The following COMMD1 variants were observed in gnomAD, a reference collection of about 807,000 sequenced individuals.
The protein encoded by COMMD1 is copper metabolism domain containing 1, also known as COMM domain-containing protein 1.
In COMMD1, 10 loss-of-function variants were observed where a neutral mutation model predicts 17.2. The ratio of observed to expected loss-of-function variants is 0.58; its 90% CI spans 0.36 to 0.99. COMMD1 has a LOEUF of 0.99. COMMD1 is among the 50% of genes least tolerant of loss of function. COMMD1 has a pLI of 0.01. For missense variants in COMMD1, 270 were observed against 231.8 expected (o/e 1.17, Z -1.07); for synonymous variants, 97 against 91.6 (o/e 1.06, Z -0.34).
intron 2 of COMMD1, among the ~76,000 whole-genome samples, chr2:62,032,024 C>T (rs1201819140): frequency 1.3e-5 from 2 of 152,152 alleles, no homozygotes; most frequent in East Asian, 1.9e-4. Flanking sequence ...GTATGTATAA[C>T]ACAATCTAAC....
At chr2:61,933,765 T>TTTCTTTC (rs1670530688) in intron 1 of COMMD1, among the ~76,000 whole-genome samples, 1 of 133,374 alleles carries the variant, frequency 7.5e-6, no homozygotes, top group Non-Finnish European at 1.5e-5. Flanking sequence ...TTTGTTTTTC[T>TTTCTTTC]TTTTTTCTTT....
At chr2:61,998,780 G>A (rs1668840644) in intron 1 of COMMD1, among the ~76,000 whole-genome samples, 1 of 152,150 alleles carries the variant, frequency 6.6e-6, no homozygotes, top group African/African-American at 2.4e-5. Flanking sequence ...CCATCGTAGG[G>A]TTATTAGTTG....
rs369738535 is a variant in COMMD1 at position 62,059,851 on chromosome 2, G to T, written c.462+58869G>T. 4.6e-5 allele frequency among the ~76,000 whole-genome samples: 7 copies of T among 152,256 alleles called. No individual in the cohort carries two copies. In the East Asian group the frequency reaches 1.2e-3, roughly 25 times the overall value. ...AAAGTGCTTACTCCATTTGTGTTTA[G>T]TATGTTGACATGGTTGGATTTAGAT... On this transcript the variant is annotated intron_variant, in intron 2 of 2. Transcript: ENST00000311832.
At chr2:62,013,843 A>G (rs1669358271) in intron 2 of COMMD1, among the ~76,000 whole-genome samples, 1 of 152,212 alleles carries the variant, frequency 6.6e-6, no homozygotes, top group Non-Finnish European at 1.5e-5. Context: ...GTTTTCTGGT[A>G]GCTATAATTA....
chr2:61,982,065 ATTGCT>A (rs1671968673), intron 1 of COMMD1, among the ~76,000 whole-genome samples: 1 of 152,178 alleles, frequency 6.6e-6, no homozygotes, highest in African/African-American at 2.4e-5. Context: ...GAATCTGTAG[ATTGCT>A]TTGCATAGTA....
chr2:61,994,395 A>T (rs955403862), intron 1 of COMMD1, among the ~76,000 whole-genome samples: 1 of 152,242 alleles, frequency 6.6e-6, no homozygotes, highest in Admixed American at 6.5e-5. Flanking sequence ...TCTTTAATGT[A>T]CCAGAAAGTT....
Position 62,044,594 on chromosome 2 carries a change from A to G in COMMD1, c.462+43612A>G, listed in dbSNP as rs143694442. Among the ~76,000 whole-genome samples the G allele has an allele frequency of 2.1e-3, 326 of 152,272 alleles. 2 individuals are homozygous for G. The highest frequency in any genetic ancestry group is 6.6e-3 in the African/African-American group (273 of 41,556). ...AGCTTCCTGCTTTTATAAGTAGCTT[A>G]TTTGTCTTCCTGGCATCTTTGCAGA... On this transcript the variant is annotated intron_variant, in intron 2 of 2. Coordinates refer to ENST00000311832, the MANE Select transcript of COMMD1 (RefSeq NM_152516.4).
rs547641905 is a variant in COMMD1 at position 61,933,508 on chromosome 2, A to G, written c.180+27650A>G. Among the ~76,000 whole-genome samples the G allele has an allele frequency of 1.2e-4, 18 of 152,106 alleles. 1 individual carries two copies. The South Asian group carries it at 3.7e-3, about 32-fold the overall frequency. ...GGGGTTTAGCCGGAGCCCAGCCCTT[A>G]TGTATCAATGTAGGGGTGAGCCATG... On this transcript the variant is annotated intron_variant, in intron 1 of 2. Transcript: ENST00000311832.
intron 2 of COMMD1, among the ~76,000 whole-genome samples, chr2:62,025,260 C>T (rs758158073): frequency 4.0e-5 from 6 of 150,088 alleles, no homozygotes; most frequent in Admixed American, 6.7e-5. Flanking sequence ...AGGCTGGGTA[C>T]GGTGGTTCAC....
At chr2:62,092,797 T>C (rs1312788629) in intron 2 of COMMD1, among the ~76,000 whole-genome samples, 1 of 152,160 alleles carries the variant, frequency 6.6e-6, no homozygotes, top group Non-Finnish European at 1.5e-5. Flanking sequence ...GCCAACCTCA[T>C]AGGTCTCCCT....
At chr2:62,007,637 AGTACAGTAATGCCCT>A (rs1250153649) in intron 2 of COMMD1, among the ~76,000 whole-genome samples, 4 of 152,192 alleles carry the variant, frequency 2.6e-5, no homozygotes, top group African/African-American at 9.6e-5. Flanking sequence ...TACAGTATTC[AGTACAGTAATGCCCT>A]GTACAGGTTT....
intron 2 of COMMD1, among the ~76,000 whole-genome samples, chr2:62,105,090 A>G (rs1321059581): frequency 6.6e-6 from 1 of 151,324 alleles, no homozygotes; most frequent in Non-Finnish European, 1.5e-5. Flanking sequence ...GCACCATTGC[A>G]CTCCAGCCTG....
chr2:61,888,464 G>A (rs1345625285), upstream of COMMD1: 7 of 1,611,860 alleles, frequency 4.3e-6, no homozygotes, highest in Non-Finnish European at 5.1e-6. Flanking sequence ...GCCGCCGGCA[G>A]CCCCGGCAGT....
chr2:61,942,860 C>T (rs549599188), intron 1 of COMMD1, among the ~76,000 whole-genome samples: 1 of 152,176 alleles, frequency 6.6e-6, no homozygotes, highest in African/African-American at 2.4e-5. Flanking sequence ...GTACTCTTTA[C>T]CTGTAAGTCA....
intron 1 of COMMD1, among the ~76,000 whole-genome samples, chr2:61,907,642 G>C (rs868683848): frequency 6.6e-6 from 1 of 152,058 alleles, no homozygotes; most frequent in South Asian, 2.1e-4. Flanking sequence ...GTTTTGTTAG[G>C]AGATAAAACA....
intron 2 of COMMD1, among the ~76,000 whole-genome samples, chr2:62,097,497 G>A (rs1672044488): frequency 6.6e-6 from 1 of 152,134 alleles, no homozygotes; most frequent in Non-Finnish European, 1.5e-5. Context: ...ACTTTCACAA[G>A]CATAATGTAC....
intron 2 of COMMD1, among the ~76,000 whole-genome samples, chr2:62,087,625 TA>T (rs1046445415): frequency 2.0e-5 from 3 of 152,126 alleles, no homozygotes; most frequent in African/African-American, 7.2e-5. Context: ...CAGGAGCCTG[TA>T]ATCCCAGCTA....
intron 2 of COMMD1, among the ~76,000 whole-genome samples, chr2:62,130,566 A>G (rs1454437850): frequency 6.6e-6 from 1 of 152,216 alleles, no homozygotes; most frequent in Non-Finnish European, 1.5e-5. Flanking sequence ...TTGTATTATA[A>G]TCCTAAATAT....
At chr2:61,919,855 A>G (rs1670143368) in intron 1 of COMMD1, among the ~76,000 whole-genome samples, 1 of 152,092 alleles carries the variant, frequency 6.6e-6, no homozygotes, top group Non-Finnish European at 1.5e-5. Flanking sequence ...GACTGGGTGC[A>G]ATGACGCATG....
Sources: gnomAD v4.1 joint callset for allele counts (sites outside exome capture counted in the v4.1 genomes callset) on GRCh38, gnomAD v4.1.1 for gene constraint, MANE v1.5 for transcripts, NCBI Gene and HGNC (gene_info 2026-07-23, HGNC 2026-07-21) for gene names.